Variants in SPPL2A observed in about 807,000 individuals in gnomAD.
SPPL2A encodes signal peptide peptidase-like 2A.
In SPPL2A, 51 loss-of-function variants were observed where a neutral mutation model predicts 63.8. The observed-to-expected ratio is 0.80, with a 90% CI of 0.64 to 1.01. The LOEUF is 1.01. Among genes scored for constraint, SPPL2A ranks in the 50% least tolerant of loss-of-function variants. SPPL2A has a pLI of 0.00. For synonymous variants in SPPL2A, 188 were observed against 205.8 expected, an observed-to-expected ratio of 0.91 and a Z score of 0.74; for missense variants, 553 against 622.7, an observed-to-expected ratio of 0.89 and a Z score of 1.19.
intron 13 of SPPL2A, 108 bp from the exon 14 acceptor site, chr15:50,720,208 G>C (rs2062633765): frequency 5.0e-6 from 4 of 802,900 alleles, no homozygotes; most frequent in Non-Finnish European, 5.8e-6. Flanking sequence ...GGATATTTTT[G>C]CTCTATGACT....
chr15:50,748,641 T>G (rs956896099), intron 3 of SPPL2A, 47 bp downstream of exon 3: 12 of 1,327,778 alleles, frequency 9.0e-6, no homozygotes, highest in Admixed American at 4.9e-5. Flanking sequence ...TTTGTGAAAT[T>G]TCACATCATG....
chr15:50,761,170 C>T (rs1231785879), intron 1 of SPPL2A, among the ~76,000 whole-genome samples: 2 of 143,280 alleles, frequency 1.4e-5, no homozygotes, highest in Admixed American at 7.0e-5. Flanking sequence ...CCACCATGCT[C>T]AGCTAATTTT....
At chr15:50,717,976 T>TTTG (rs1244661544) in intron 14 of SPPL2A, among the ~76,000 whole-genome samples, 8 of 124,650 alleles carry the variant, frequency 6.4e-5, no homozygotes, top group Non-Finnish European at 1.5e-4. Flanking sequence ...TCGTTTTTTT[T>TTTG]TTTTTTTTTT....
At chr15:50,740,447 A>AAAAAAG (rs2062811111) in intron 5 of SPPL2A, among the ~76,000 whole-genome samples, 1 of 128,304 alleles carries the variant, frequency 7.8e-6, no homozygotes, top group Non-Finnish European at 1.7e-5. Context: ...AAAAAAAAAG[A>AAAAAAG]AAAAAAAAAG....
intron 1 of SPPL2A, among the ~76,000 whole-genome samples, chr15:50,762,026 C>T (rs186339254): frequency 6.6e-6 from 1 of 152,040 alleles, no homozygotes; most frequent in Admixed American, 6.6e-5. Context: ...AAGTTCTGAC[C>T]ATTGTGACCC....
chr15:50,730,295 T>G (rs2062720232), intron 10 of SPPL2A, among the ~76,000 whole-genome samples: 1 of 152,034 alleles, frequency 6.6e-6, no homozygotes, highest in South Asian at 2.1e-4. Context: ...AGATTCTAAC[T>G]TCATGGAAAA....
At chr15:50,748,281 T>A (rs1215059944) in intron 3 of SPPL2A, 79 bp from the exon 4 acceptor site, 1 of 555,230 alleles carries the variant, frequency 1.8e-6, no homozygotes, top group African/African-American at 2.0e-5. Context: ...TAAATATAAA[T>A]ATTACGTCTT....
chr15:50,709,347 T>C (rs77274508), intron 14 of SPPL2A, among the ~76,000 whole-genome samples: 2,087 of 152,250 alleles, frequency 0.014, 56 homozygotes, highest in African/African-American at 0.048. Context: ...TTTTGAAAAG[T>C]GGTTCTGAAG....
intron 14 of SPPL2A, among the ~76,000 whole-genome samples, chr15:50,716,982 C>T (rs1432195409): frequency 6.6e-6 from 1 of 152,136 alleles, no homozygotes; most frequent in African/African-American, 2.4e-5. Context: ...CTTCCTCAAC[C>T]CTGTTGCCTT....
At chr15:50,747,096 C>A (rs957261347) in intron 5 of SPPL2A, among the ~76,000 whole-genome samples, 1 of 152,168 alleles carries the variant, frequency 6.6e-6, no homozygotes, top group South Asian at 2.1e-4. Context: ...ATTCCTAAAG[C>A]ATTAAACAGA....
rs1351895515 is a variant in SPPL2A at position 50,749,643 on chromosome 15, T to C, written c.170A>G (p.Glu57Gly). ...TAACTGTGATTTACTTACTGCATTTTCTAGGGTACTTGGAAGAGCTGTCCA... is the reference window on the plus strand; with the variant it reads ...TAACTGTGATTTACTTACTGCATTTCCTAGGGTACTTGGAAGAGCTGTCCA... ...PYWTALPSTL[E>G]NATSISLMNL... Residue 57 changes from glutamate (E) to glycine (G), a missense_variant, in exon 2 of 15, where the codon GAA (glutamate) becomes GGA (glycine). By Grantham distance (98) the Glu-to-Gly change is moderately conservative. Transcript: ENST00000261854. 1.3e-6 allele frequency: 2 copies of C among 1,578,912 alleles called. No individual in the cohort carries two copies. Among genetic ancestry groups the C allele is most frequent in the Non-Finnish European group, 1.7e-6 (2 of 1,148,098 alleles).
intron 9 of SPPL2A, among the ~76,000 whole-genome samples, chr15:50,732,030 G>A (rs2062735651): frequency 6.6e-6 from 1 of 151,674 alleles, no homozygotes; most frequent in Admixed American, 6.6e-5. Context: ...AAATCAGAAG[G>A]ACTGCTTGTG....
intron 1 of SPPL2A, among the ~76,000 whole-genome samples, chr15:50,763,251 A>C (rs2063027643): frequency 6.6e-6 from 1 of 151,854 alleles, no homozygotes; most frequent in Non-Finnish European, 1.5e-5. Flanking sequence ...ACTCCAGCTG[A>C]GGAAAAGGAA....
intron 1 of SPPL2A, among the ~76,000 whole-genome samples, chr15:50,761,255 C>G (rs2063009039): frequency 6.6e-6 from 1 of 152,092 alleles, no homozygotes; most frequent in Non-Finnish European, 1.5e-5. Context: ...AGCAATCCTC[C>G]AAAACAGAAC....
chr15:50,741,745 T>A (rs1436022770), intron 5 of SPPL2A, among the ~76,000 whole-genome samples: 2 of 152,098 alleles, frequency 1.3e-5, no homozygotes, highest in Admixed American at 6.6e-5. Flanking sequence ...GGTGGGCGGA[T>A]CACTTGAGGT....
At chr15:50,721,234 A>G (rs1421881257) in intron 13 of SPPL2A, among the ~76,000 whole-genome samples, 1 of 152,018 alleles carries the variant, frequency 6.6e-6, no homozygotes, top group African/African-American at 2.4e-5. Flanking sequence ...AGATTTCACC[A>G]TGTTGGCCAG....
chr15:50,729,316 C>T (rs8025868), intron 10 of SPPL2A, among the ~76,000 whole-genome samples: 14,323 of 152,142 alleles, frequency 0.094, 2,291 homozygotes, highest in African/African-American at 0.33. Context: ...TTTTAGGTTA[C>T]TATTGTTCAG....
intron 14 of SPPL2A, among the ~76,000 whole-genome samples, chr15:50,711,304 G>A (rs2062556170): frequency 6.6e-6 from 1 of 151,204 alleles, no homozygotes; most frequent in Admixed American, 6.6e-5. Context: ...CCGCCTCCCG[G>A]GTTCAAGCAA....
Position 50,703,344 on chromosome 15 carries a change from ATACATATATATATTTTTTTT to A in SPPL2A, c.*4436_*4455del, listed in dbSNP as rs1394046910. 3.0e-4 allele frequency: 26 copies of A among 87,786 alleles called. No homozygotes were observed. Among genetic ancestry groups the A allele is most frequent in the African/African-American group, 8.7e-4 (21 of 24,200 alleles). The allele number at this position is 87,786 out of a possible 1,614,324, so 5.4% of individuals were successfully genotyped here. On this transcript the variant is annotated 3_prime_UTR_variant, in exon 15 of 15. Coordinates refer to ENST00000261854, the MANE Select transcript of SPPL2A (RefSeq NM_032802.4). ...TATATACATATATATATATATATATATACATATATATATTTTTTTTTTTTTTTTTTTTTTTTGAGATGGAG... is the reference window on the plus strand; with the variant it reads ...TATATACATATATATATATATATATATTTTTTTTTTTTTTTTGAGATGGAG...
Sources: allele counts gnomAD v4.1 joint callset (sites outside exome capture counted in the v4.1 genomes callset), GRCh38; gene constraint gnomAD v4.1.1; transcripts MANE v1.5; gene names NCBI Gene and HGNC (gene_info 2026-07-23, HGNC 2026-07-21).